FOXO3: variants seen among roughly 807,000 people sequenced by gnomAD.
FOXO3 encodes the protein forkhead box protein O3.
A neutral mutation model predicts 41.9 loss-of-function variants in FOXO3; 4 were observed. That is an observed-to-expected ratio of 0.10 (90% confidence interval 0.05 to 0.22). FOXO3 has a LOEUF of 0.22. Ranked by LOEUF, FOXO3 falls within the 10% of genes least tolerant of loss-of-function variation. The pLI is 1.00. For missense variants in FOXO3, 534 were observed against 906.8 expected, an observed-to-expected ratio of 0.59 and a Z score of 5.28; for synonymous variants, 318 against 389.3, an observed-to-expected ratio of 0.82 and a Z score of 2.16.
chr6:108,597,795 A>G (rs1776927713), intron 1 of FOXO3, among the ~76,000 whole-genome samples: 1 of 152,182 alleles, frequency 6.6e-6, no homozygotes, highest in African/African-American at 2.4e-5. Context: ...AAACAGAGCT[A>G]TTTCATGTTT....
At chr6:108,663,413 A>G in intron 1 of FOXO3, 42 bp from the exon 2 acceptor site, 1 of 1,541,418 alleles carries the variant, frequency 6.5e-7, no homozygotes, top group Non-Finnish European at 8.7e-7. Flanking sequence ...TCGGTTTTGG[A>G]CCATTCTGGT....
In FOXO3 at chr6:108,577,242, A is replaced by G. The variant is rs140568259; in HGVS notation, c.621+15413A>G. ...TACCTTATTAAGAGGGTTTCCTGGC[A>G]TGTTCTTTGGACTGTTACCAAGTCT... On this transcript the variant is annotated intron_variant, in intron 1 of 2. Transcript: ENST00000406360. Among the ~76,000 whole-genome samples, 151 of 151,972 alleles carry G rather than the reference A, an allele frequency of 9.9e-4. 1 individual carries two copies. The Middle Eastern group carries it at 0.01, about 10-fold the overall frequency.
At chr6:108,584,758 G>C (rs1305710797) in intron 1 of FOXO3, among the ~76,000 whole-genome samples, 5 of 152,134 alleles carry the variant, frequency 3.3e-5, no homozygotes, top group African/African-American at 1.2e-4. Flanking sequence ...AAATGGTTTA[G>C]ATTTTCATTT....
chr6:108,668,721 G>T (rs920057677), intron 2 of FOXO3, among the ~76,000 whole-genome samples: 4 of 152,134 alleles, frequency 2.6e-5, no homozygotes, highest in Admixed American at 2.0e-4. Flanking sequence ...GAGGGGAGGG[G>T]TGGTTCACTT....
chr6:108,676,045 T>C (rs1770575228), intron 2 of FOXO3, among the ~76,000 whole-genome samples: 1 of 152,220 alleles, frequency 6.6e-6, no homozygotes, highest in Admixed American at 6.5e-5. Flanking sequence ...GCCAAGATTA[T>C]AGAGGGACTT....
chr6:108,676,859 T>A (rs1770613589), intron 2 of FOXO3, among the ~76,000 whole-genome samples: 1 of 152,234 alleles, frequency 6.6e-6, no homozygotes, highest in Non-Finnish European at 1.5e-5. Flanking sequence ...CTTTTGATTA[T>A]TTTTATTACC....
At chr6:108,674,812 A>T (rs768567263) in intron 2 of FOXO3, among the ~76,000 whole-genome samples, 1 of 152,194 alleles carries the variant, frequency 6.6e-6, no homozygotes, top group Non-Finnish European at 1.5e-5. Flanking sequence ...TTTGGATATT[A>T]TAATAAAGTT....
At chr6:108,576,942 CT>C (rs1402228490) in intron 1 of FOXO3, among the ~76,000 whole-genome samples, 1 of 152,088 alleles carries the variant, frequency 6.6e-6, no homozygotes, top group Non-Finnish European at 1.5e-5. Flanking sequence ...AAGAAAATAA[CT>C]TTATCATTTG....
intron 1 of FOXO3, among the ~76,000 whole-genome samples, chr6:108,583,539 T>A (rs1164985129): frequency 2.0e-5 from 3 of 152,188 alleles, no homozygotes; most frequent in Non-Finnish European, 4.4e-5. Context: ...AAATTTGCAG[T>A]TTCACCAGTC....
At chr6:108,563,164 A>G (rs1775862645) in intron 1 of FOXO3, among the ~76,000 whole-genome samples, 1 of 152,240 alleles carries the variant, frequency 6.6e-6, no homozygotes, top group South Asian at 2.1e-4. Context: ...CCTGTAGATG[A>G]AAAAGTTAAA....
intron 1 of FOXO3, among the ~76,000 whole-genome samples, chr6:108,627,716 TA>T (rs1163029336): frequency 1.9e-4 from 28 of 146,330 alleles, no homozygotes; most frequent in South Asian, 6.5e-4. Flanking sequence ...AAAGAAATAG[TA>T]AAAAAAAAAA....
intron 1 of FOXO3, among the ~76,000 whole-genome samples, chr6:108,650,163 A>G (rs569733357): frequency 2.0e-4 from 31 of 152,322 alleles, no homozygotes; most frequent in African/African-American, 7.5e-4. Flanking sequence ...GGAGGTAGTT[A>G]TAAGGTCAGG....
chr6:108,601,598 C>G (rs541351452), intron 1 of FOXO3, among the ~76,000 whole-genome samples: 1 of 152,306 alleles, frequency 6.6e-6, no homozygotes, highest in Non-Finnish European at 1.5e-5. Flanking sequence ...GCCACCGCAC[C>G]CAGCCCCCCT....
chr6:108,578,839 A>G (rs1322784317), intron 1 of FOXO3, among the ~76,000 whole-genome samples: 1 of 152,078 alleles, frequency 6.6e-6, no homozygotes, highest in Non-Finnish European at 1.5e-5. Context: ...TCTCGTGATG[A>G]AGTCAGAGGT....
chr6:108,641,648 G>A (rs558018395), intron 1 of FOXO3, among the ~76,000 whole-genome samples: 7 of 151,868 alleles, frequency 4.6e-5, no homozygotes, highest in East Asian at 1.9e-4. Context: ...ATGTCTTTGC[G>A]TTCCCCTGGT....
At chr6:108,638,944 G>A (rs1432738081) in intron 1 of FOXO3, among the ~76,000 whole-genome samples, 2 of 152,166 alleles carry the variant, frequency 1.3e-5, no homozygotes, top group African/African-American at 4.8e-5. Context: ...CTGCCTAATG[G>A]TGTTCGGGGT....
intron 1 of FOXO3, among the ~76,000 whole-genome samples, chr6:108,573,280 CTG>C (rs202242855): frequency 0.05 from 7,558 of 151,914 alleles, 312 homozygotes; most frequent in South Asian, 0.22. Context: ...GAGAGAGACT[CTG>C]TCTCAAAAAT....
chr6:108,573,726 G>C (rs901183682), intron 1 of FOXO3, among the ~76,000 whole-genome samples: 1 of 152,004 alleles, frequency 6.6e-6, no homozygotes, highest in Non-Finnish European at 1.5e-5. Context: ...CTACTCAGGA[G>C]GCTGAAGCAG....
intron 1 of FOXO3, among the ~76,000 whole-genome samples, chr6:108,590,834 T>C (rs1193752184): frequency 6.6e-6 from 1 of 152,224 alleles, no homozygotes; most frequent in African/African-American, 2.4e-5. Flanking sequence ...CATTTTAGTA[T>C]TGGGATTGTG....
Sources: gnomAD v4.1 joint callset for allele counts (sites outside exome capture counted in the v4.1 genomes callset) on GRCh38, gnomAD v4.1.1 for gene constraint, MANE v1.5 for transcripts, NCBI Gene and HGNC (gene_info 2026-07-23, HGNC 2026-07-21) for gene names.